LRBA: variants seen among roughly 807,000 people sequenced by gnomAD.
LRBA encodes LPS responsive beige-like anchor protein.
LRBA carries 176 observed loss-of-function variants against 330.0 expected under a neutral mutation model. The observed-to-expected ratio is 0.53, with a 90% CI of 0.47 to 0.60. LRBA has a LOEUF of 0.60. Among genes scored for constraint, LRBA ranks in the 20% least tolerant of loss-of-function variants. The pLI is 0.00. For synonymous variants in LRBA, 1,230 were observed against 1,193.0 expected (o/e 1.03, Z -0.64); for missense variants, 3,259 against 3,444.8 (o/e 0.95, Z 1.35).
intron 42 of LRBA, among the ~76,000 whole-genome samples, chr4:150,476,647 T>C (rs1288077004): frequency 1.3e-5 from 2 of 152,160 alleles, no homozygotes; most frequent in Non-Finnish European, 2.9e-5. Context: ...TATGCATGTA[T>C]TAAACTCCTT....
At chr4:150,809,506 A>AAGGGGC (rs1391035022) in intron 31 of LRBA, among the ~76,000 whole-genome samples, 1 of 152,208 alleles carries the variant, frequency 6.6e-6, no homozygotes, top group East Asian at 1.9e-4. Context: ...CACTGATCAA[A>AAGGGGC]TACCATTGTA....
intron 47 of LRBA, among the ~76,000 whole-genome samples, chr4:150,400,469 T>C (rs1745314969): frequency 6.6e-6 from 1 of 152,228 alleles, no homozygotes; most frequent in South Asian, 2.1e-4. Flanking sequence ...ATCCATTATA[T>C]ATTATTCTCT....
chr4:150,801,227 T>C (rs1741567256), intron 33 of LRBA, among the ~76,000 whole-genome samples: 2 of 152,244 alleles, frequency 1.3e-5, no homozygotes, highest in Non-Finnish European at 2.9e-5. Context: ...TTTGAAGGTA[T>C]ATACATATAC....
intron 2 of LRBA, among the ~76,000 whole-genome samples, chr4:151,002,341 T>A (rs1157386094): frequency 6.6e-6 from 1 of 150,634 alleles, no homozygotes. Flanking sequence ...CTGAGGCAGA[T>A]GGATCACCTG....
intron 37 of LRBA, among the ~76,000 whole-genome samples, chr4:150,681,616 A>G (rs1211582038): frequency 6.6e-6 from 1 of 152,214 alleles, no homozygotes; most frequent in East Asian, 1.9e-4. Context: ...GATGAGATTT[A>G]TAGAGAGGAA....
chr4:150,640,652 C>A (rs1053093052), intron 37 of LRBA, among the ~76,000 whole-genome samples: 1 of 152,082 alleles, frequency 6.6e-6, no homozygotes, highest in Non-Finnish European at 1.5e-5. Context: ...TCCTGCTCAC[C>A]ATAATTTCTG....
chr4:150,894,459 A>C (rs1040566037), intron 16 of LRBA, among the ~76,000 whole-genome samples: 1 of 152,192 alleles, frequency 6.6e-6, no homozygotes, highest in South Asian at 2.1e-4. Flanking sequence ...CTAGACCCCC[A>C]AAAAAACTTC....
chr4:150,387,935 T>C (rs913562051), intron 47 of LRBA, among the ~76,000 whole-genome samples: 2 of 152,308 alleles, frequency 1.3e-5, no homozygotes, highest in East Asian at 3.9e-4. Flanking sequence ...TAGAAAGTCA[T>C]GATACTAAAG....
At chr4:150,271,752 A>G (rs1183977371) in intron 56 of LRBA, among the ~76,000 whole-genome samples, 1 of 152,158 alleles carries the variant, frequency 6.6e-6, no homozygotes, top group Non-Finnish European at 1.5e-5. Context: ...GGGAGTTCGA[A>G]TTGGGTGGAG....
chr4:150,603,834 T>C (rs867075871), intron 37 of LRBA, among the ~76,000 whole-genome samples: 13 of 152,166 alleles, frequency 8.5e-5, no homozygotes, highest in Middle Eastern at 3.2e-3. Flanking sequence ...ATATATGTTT[T>C]ATGTTCTACA....
At chr4:150,807,714 C>T (rs565903446) in intron 32 of LRBA, among the ~76,000 whole-genome samples, 211 of 152,030 alleles carry the variant, frequency 1.4e-3, no homozygotes, top group Admixed American at 4.3e-3. Context: ...GGTGCGATCT[C>T]GGCTCACTGC....
intron 47 of LRBA, among the ~76,000 whole-genome samples, chr4:150,380,681 A>G (rs566772782): frequency 3.3e-5 from 5 of 152,258 alleles, no homozygotes; most frequent in Admixed American, 6.5e-5. Context: ...TAAATTAAGT[A>G]TATTTTGTTT....
intron 30 of LRBA, among the ~76,000 whole-genome samples, chr4:150,821,815 G>A (rs1578891094): frequency 6.6e-6 from 1 of 152,192 alleles, no homozygotes; most frequent in East Asian, 1.9e-4. Flanking sequence ...ATAAGAACAA[G>A]AATTTTGGCA....
chr4:150,420,280 G>GTA (rs1235392016), intron 46 of LRBA, among the ~76,000 whole-genome samples: 2 of 108,188 alleles, frequency 1.8e-5, no homozygotes, highest in Non-Finnish European at 1.9e-5. Flanking sequence ...TATATATAAA[G>GTA]TATATATATA....
intron 39 of LRBA, among the ~76,000 whole-genome samples, chr4:150,589,524 T>C (rs772490488): frequency 7.2e-5 from 11 of 152,212 alleles, no homozygotes; most frequent in Non-Finnish European, 5.9e-5. Context: ...TTGCCCTCTG[T>C]ACATTAGCAT....
intron 35 of LRBA, among the ~76,000 whole-genome samples, chr4:150,750,057 A>G (rs1038929563): frequency 6.6e-6 from 1 of 152,150 alleles, no homozygotes; most frequent in Non-Finnish European, 1.5e-5. Flanking sequence ...CATACATCTC[A>G]AAAGGGTTAG....
chr4:150,351,486 G>A (rs1343614856), intron 47 of LRBA, among the ~76,000 whole-genome samples: 2 of 151,994 alleles, frequency 1.3e-5, no homozygotes, highest in African/African-American at 4.8e-5. Flanking sequence ...TCAGGAGATC[G>A]AGACCATCCT....
intron 40 of LRBA, among the ~76,000 whole-genome samples, chr4:150,549,938 C>A (rs1430339104): frequency 6.6e-6 from 1 of 152,204 alleles, no homozygotes; most frequent in Non-Finnish European, 1.5e-5. Flanking sequence ...AACTACGAAT[C>A]CTGGCCATAG....
At chr4:150,590,493 A>C (rs544016841) in intron 39 of LRBA, among the ~76,000 whole-genome samples, 29 of 152,302 alleles carry the variant, frequency 1.9e-4, no homozygotes, top group African/African-American at 7.0e-4. Flanking sequence ...TTTTCAGTGA[A>C]AATTATTCAC....
Sources: gnomAD v4.1 joint callset for allele counts (sites outside exome capture counted in the v4.1 genomes callset) on GRCh38, gnomAD v4.1.1 for gene constraint, MANE v1.5 for transcripts, NCBI Gene and HGNC (gene_info 2026-07-23, HGNC 2026-07-21) for gene names.